DMXL1: variants seen among roughly 807,000 people sequenced by gnomAD.
DMXL1 encodes the protein dmX-like protein 1.
DMXL1 carries 99 observed loss-of-function variants against 319.2 expected under a neutral mutation model. The ratio of observed to expected loss-of-function variants is 0.31; its 90% confidence interval spans 0.26 to 0.37. The LOEUF (loss-of-function observed/expected upper bound fraction) is 0.37, where lower values mean the gene tolerates loss of function less well. DMXL1 is among the 10% of genes least tolerant of loss of function. The probability of loss-of-function intolerance (pLI) is 1.00; values close to 1 mark genes in which losing one functional copy is unlikely to be tolerated. For missense variants in DMXL1, 3,745 were observed against 3,595.6 expected (o/e 1.04, Z -1.06); for synonymous variants, 1,385 against 1,235.2 (o/e 1.12, Z -2.54).
chr5:119,100,939 G>A lies in DMXL1; in HGVS notation c.214-996G>A, dbSNP rs532939659. On this transcript the variant is annotated intron_variant, in intron 2 of 43. Transcript: ENST00000539542. ...GGACTACAGGCGCCTGCCATCGCCC[G>A]GCTAATTTTTTTTTGTATTTTTTAG... 6.7e-4 allele frequency among the ~76,000 whole-genome samples: 81 copies of A among 121,272 alleles called. No homozygotes were observed. The South Asian group carries it at 0.015, about 23-fold the overall frequency. The allele number at this position is 121,272 out of a possible 152,430, so 79.6% of individuals were successfully genotyped here.
At chr5:119,125,586 A>T (rs1763346569) in intron 9 of DMXL1, among the ~76,000 whole-genome samples, 1 of 152,096 alleles carries the variant, frequency 6.6e-6, no homozygotes, top group South Asian at 2.1e-4. Flanking sequence ...TATTTTTGAG[A>T]TGAAGTCTCA....
chr5:119,127,986 T>G, intron 9 of DMXL1: 1 of 406,070 alleles, frequency 2.5e-6, no homozygotes, highest in Non-Finnish European at 5.0e-6. Context: ...TAAACAACCC[T>G]GCACCCTGTT....
At chr5:119,109,503 C>T (rs1448974864) in intron 4 of DMXL1, among the ~76,000 whole-genome samples, 1 of 152,220 alleles carries the variant, frequency 6.6e-6, no homozygotes, top group Non-Finnish European at 1.5e-5. Context: ...ACTTGAAAAA[C>T]TCTTCACAGT....
Position 119,116,302 on chromosome 5 carries a change from T to C in DMXL1, c.709T>C (p.Phe237Leu), listed in dbSNP as rs746853263. 1 of 1,614,050 alleles carries C rather than the reference T, an allele frequency of 6.2e-7. No homozygotes were observed. Among genetic ancestry groups the C allele is most frequent in the Non-Finnish European group, 8.5e-7 (1 of 1,179,960 alleles). Residue 237 changes from phenylalanine (F) to leucine (L), a missense_variant, in exon 7 of 44, where the codon TTT becomes CTT. Around this residue, in one of 4 missense-constraint regions of DMXL1, gnomAD observed 2,096 missense variants for 1,985.4 expected, o/e 1.06. Transcript: ENST00000539542. ...GGCCCATCCTCGAGCAGTAAATGGATTTTCCTGGCGTAAAACAAGCAAATA... is the reference window on the plus strand; with the variant it reads ...GGCCCATCCTCGAGCAGTAAATGGACTTTCCTGGCGTAAAACAAGCAAATA... ...YLAHPRAVNGFSWRKTSKYMP... is the reference protein window; with the variant it reads ...YLAHPRAVNGLSWRKTSKYMP...
chr5:119,108,992 G>A (rs1005136384), intron 4 of DMXL1, among the ~76,000 whole-genome samples: 1 of 151,458 alleles, frequency 6.6e-6, no homozygotes, highest in African/African-American at 2.4e-5. Flanking sequence ...GTAGAGATGG[G>A]GTTTCTCCAT....
intron 15 of DMXL1, among the ~76,000 whole-genome samples, chr5:119,145,539 CAAAA>C (rs896414186): frequency 4.6e-5 from 7 of 151,590 alleles, no homozygotes; most frequent in African/African-American, 1.7e-4. Context: ...ATTGTATAAA[CAAAA>C]CTATCCTTTT....
At chr5:119,080,013 A>G (rs1311354153) in intron 1 of DMXL1, among the ~76,000 whole-genome samples, 1 of 152,180 alleles carries the variant, frequency 6.6e-6, no homozygotes, top group Non-Finnish European at 1.5e-5. Flanking sequence ...CTTCATATTG[A>G]TAATTTTAAA....
intron 1 of DMXL1, among the ~76,000 whole-genome samples, chr5:119,089,626 CTTTT>C (rs199623391): frequency 2.4e-5 from 3 of 127,330 alleles, no homozygotes; most frequent in East Asian, 2.4e-4. Context: ...TTGGTACTGC[CTTTT>C]TTTTTTTTTT....
At position 119,089,305 on chromosome 5, in the gene DMXL1, T is replaced by A. The variant is rs1253531791; in HGVS notation, c.88-8674T>A. ...ATATATATATATATTTTTTTTTTTTTTTTTTTTTTTTTTTTTTTGAGACAG... is the reference window on the plus strand; with the variant it reads ...ATATATATATATATTTTTTTTTTTTATTTTTTTTTTTTTTTTTTGAGACAG... On this transcript the variant is annotated intron_variant, in intron 1 of 43. Coordinates refer to ENST00000539542, the MANE Select transcript of DMXL1 (RefSeq NM_001290321.3). Among the ~76,000 whole-genome samples, 52 of 101,994 alleles carry A rather than the reference T, an allele frequency of 5.1e-4. 2 individuals are homozygous for A. Among genetic ancestry groups the A allele is most frequent in the East Asian group, 4.0e-3 (11 of 2,752 alleles). The allele number at this position is 101,994 out of a possible 152,430, so 66.9% of individuals were successfully genotyped here.
At chr5:119,089,800 A>G (rs945512732) in intron 1 of DMXL1, among the ~76,000 whole-genome samples, 1 of 146,858 alleles carries the variant, frequency 6.8e-6, no homozygotes, top group Non-Finnish European at 1.5e-5. Flanking sequence ...CTAATTTTGT[A>G]TTTTTAGTAG....
intron 19 of DMXL1, 82 bp downstream of exon 19, chr5:119,152,118 C>A: frequency 4.6e-6 from 4 of 868,152 alleles, no homozygotes; most frequent in East Asian, 2.6e-5. Flanking sequence ...TTGTTTTTAC[C>A]CAAAAATGAT....
chr5:119,226,760 C>T (rs559747669), intron 38 of DMXL1, among the ~76,000 whole-genome samples: 54 of 152,294 alleles, frequency 3.5e-4, no homozygotes, highest in African/African-American at 1.2e-3. Context: ...AGAGTGCCCA[C>T]AGCTCCCTCC....
intron 36 of DMXL1, 36 bp downstream of exon 36, chr5:119,220,629 C>T (rs1379470213): frequency 1.9e-6 from 3 of 1,598,666 alleles, no homozygotes; most frequent in East Asian, 4.5e-5. Context: ...AGTAATGTTG[C>T]AATATGAGTG....
chr5:119,198,145 C>A (rs543555312), intron 32 of DMXL1, among the ~76,000 whole-genome samples, 189 bp downstream of exon 32: 3 of 152,056 alleles, frequency 2.0e-5, no homozygotes, highest in African/African-American at 7.2e-5. Flanking sequence ...CCTGCCACCA[C>A]GCCTGGTTAA....
intron 4 of DMXL1, 24 bp from the exon 5 acceptor site, chr5:119,110,127 A>T (rs1380799485): frequency 6.4e-7 from 1 of 1,570,458 alleles, no homozygotes; most frequent in Non-Finnish European, 8.6e-7. Flanking sequence ...CTAAATAATA[A>T]ATGAGGAATA....
At chr5:119,115,083 C>T (rs1760539149) in intron 6 of DMXL1, among the ~76,000 whole-genome samples, 1 of 152,140 alleles carries the variant, frequency 6.6e-6, no homozygotes, top group Non-Finnish European at 1.5e-5. Flanking sequence ...CTGCCATTTA[C>T]CAGCTTTATC....
Position 119,248,359 on chromosome 5 carries a change from C to G in DMXL1, c.*1140C>G, listed in dbSNP as rs568343425. 2 of 152,284 alleles carry G rather than the reference C, an allele frequency of 1.3e-5. No individual in the cohort carries two copies. Among genetic ancestry groups the G allele is most frequent in the Admixed American group, 1.3e-4 (2 of 15,238 alleles). 9.4% of individuals were successfully genotyped at this position (152,284 alleles called of 1,614,324 possible). Reference sequence around the variant, plus strand: ...AAAATATTTTATTATAAAATATGACCAAAATATTTAAAATGCACAATGCTT... The same window carrying G: ...AAAATATTTTATTATAAAATATGACGAAAATATTTAAAATGCACAATGCTT... On this transcript the variant is annotated 3_prime_UTR_variant, in exon 44 of 44. Coordinates refer to ENST00000539542, the MANE Select transcript of DMXL1 (RefSeq NM_001290321.3).
In DMXL1 at chr5:119,220,597, C is replaced by T. The variant is rs767571892; in HGVS notation, c.8135+4C>T. The T allele has an allele frequency of 1.1e-5, 17 of 1,609,208 alleles. No homozygotes were observed. The South Asian group carries it at 1.9e-4, about 18-fold the overall frequency. ...ATATAGAAGTGGAAACCAAAGGGTA[C>T]CTTCATAGTTTGTTTCTATTTAGTA... On this transcript the variant is annotated splice_donor_region_variant and intron_variant, in intron 36 of 43. Coordinates refer to ENST00000539542, the MANE Select transcript of DMXL1 (RefSeq NM_001290321.3).
In DMXL1 at chr5:119,071,625, C is replaced by G. The variant is rs1253432154; in HGVS notation, c.56C>G (p.Ser19Cys). The G allele has an allele frequency of 2.5e-6, 4 of 1,601,864 alleles. No homozygotes were observed. The highest frequency in any genetic ancestry group is 3.4e-6 in the Non-Finnish European group (4 of 1,174,764). Residue 19 changes from serine to cysteine, a missense_variant, in exon 1 of 44, where the codon TCC becomes TGC. Transcript: ENST00000539542. ...GAVNPGDHCF[S>C]VGSIGDQRFT... ...GTGAACCCTGGCGACCACTGCTTCT[C>G]CGTGGGCAGCATTGGCGACCAGCGC...
Sources: allele counts gnomAD v4.1 joint callset (sites outside exome capture counted in the v4.1 genomes callset), GRCh38; gene constraint gnomAD v4.1.1; regional missense constraint gnomAD v4.1.1; transcripts MANE v1.5; gene names NCBI Gene and HGNC (gene_info 2026-07-23, HGNC 2026-07-21).